Variants in CEP126 observed in about 807,000 individuals in gnomAD.
CEP126 encodes centrosomal protein of 126 kDa.
CEP126 carries 74 observed loss-of-function variants against 107.8 expected under a neutral mutation model. That is an observed-to-expected ratio of 0.69 (90% CI 0.57 to 0.83). The LOEUF is 0.83. Among genes scored for constraint, CEP126 ranks in the 40% least tolerant of loss-of-function variants. The probability of loss-of-function intolerance (pLI) is 0.00; values close to 1 mark genes in which losing one functional copy is unlikely to be tolerated. For missense variants in CEP126, 1,237 were observed against 1,281.9 expected (o/e 0.96, Z 0.53); for synonymous variants, 449 against 446.0 (o/e 1.01, Z -0.08).
rs1565356118 is a variant in CEP126, at chr11:101,948,026, T to C, written c.395-5T>C. 1.3e-6 allele frequency: 2 copies of C among 1,576,188 alleles called. No homozygotes were observed. The highest frequency in any genetic ancestry group is 4.5e-5 in the East Asian group (2 of 44,556). ...TGTACTGTTCGGTCTTTATTATCTC[T>C]TTAGTTTCCCGAAAACCAGTTCCTC... On this transcript the variant is annotated splice_polypyrimidine_tract_variant and splice_region_variant and intron_variant, in intron 3 of 10. Coordinates refer to ENST00000263468, the MANE Select transcript of CEP126 (RefSeq NM_020802.4).
chr11:101,940,165 A>C (rs986182802), intron 2 of CEP126, among the ~76,000 whole-genome samples: 1 of 152,234 alleles, frequency 6.6e-6, no homozygotes, highest in East Asian at 1.9e-4. Context: ...TACATGCTGC[A>C]CTATCAGCCA....
chr11:101,989,070 A>G (rs943409031), intron 9 of CEP126, among the ~76,000 whole-genome samples: 2 of 152,150 alleles, frequency 1.3e-5, no homozygotes, highest in African/African-American at 4.8e-5. Context: ...GTATAAGACC[A>G]TGAAACAAGC....
intron 9 of CEP126, among the ~76,000 whole-genome samples, chr11:101,988,562 A>C (rs1471011340): frequency 1.3e-5 from 2 of 152,170 alleles, no homozygotes; most frequent in African/African-American, 4.8e-5. Context: ...ATGACCACTA[A>C]GATACATCCA....
At chr11:101,950,895 G>T (rs1196883645) in intron 4 of CEP126, among the ~76,000 whole-genome samples, 1 of 152,140 alleles carries the variant, frequency 6.6e-6, no homozygotes, top group Non-Finnish European at 1.5e-5. Flanking sequence ...TTTTCAGCAG[G>T]GAGTGATAGC....
Position 101,958,361 on chromosome 11 carries a change from T to C in CEP126, c.700T>C (p.Leu234=). The C allele has an allele frequency of 6.2e-7, 1 of 1,612,532 alleles. No individual in the cohort carries two copies. Among genetic ancestry groups the C allele is most frequent in the South Asian group, 1.1e-5 (1 of 90,890 alleles). Residue 234 remains leucine, a synonymous_variant, in exon 5 of 11, where the codon TTG becomes CTG. Coordinates refer to ENST00000263468, the MANE Select transcript of CEP126 (RefSeq NM_020802.4). The stretch of plus-strand genomic sequence containing the variant: ...CCTCGAAGATCAACATCTAAGCAAT[T>C]TGCAAGTATGAAACTATAAAAATGT... ...KLLEDQHLSN[L]QKFCDEVNQI...
intron 7 of CEP126, among the ~76,000 whole-genome samples, chr11:101,980,943 G>A (rs149120382): frequency 5.6e-4 from 85 of 152,292 alleles, no homozygotes; most frequent in African/African-American, 2.0e-3. Context: ...GAAAAGTTAC[G>A]CATAGTTATA....
intron 6 of CEP126, among the ~76,000 whole-genome samples, chr11:101,967,896 C>T (rs17097348): frequency 0.049 from 7,433 of 152,188 alleles, 499 homozygotes; most frequent in Admixed American, 0.18. Flanking sequence ...GGGCTACATA[C>T]AGGGCTGCCA....
rs3043916 is a variant in CEP126 at position 101,987,967 on chromosome 11, T to TAAA, written c.3244+933_3244+935dup. Among the ~76,000 whole-genome samples the TAAA allele has an allele frequency of 2.5e-3, 358 of 145,820 alleles. 1 individual carries two copies. Among genetic ancestry groups the TAAA allele is most frequent in the East Asian group, 8.9e-3 (44 of 4,966 alleles). Reference sequence around the variant, plus strand: ...CCAAGGAAAATGAGCAGCCTACAATTAAAAAAAAAGTAAATAACTTAATCC... The same window carrying TAAA: ...CCAAGGAAAATGAGCAGCCTACAATTAAAAAAAAAAAAGTAAATAACTTAATCC... On this transcript the variant is annotated intron_variant, in intron 9 of 10. Transcript: ENST00000263468.
At position 101,998,831 on chromosome 11, in the gene CEP126, T is replaced by C. The variant is rs1941474373; in HGVS notation, c.*1188T>C. The C allele has an allele frequency of 6.6e-6, 1 of 152,080 alleles. No individual in the cohort carries two copies. Among genetic ancestry groups the C allele is most frequent in the African/African-American group, 2.4e-5 (1 of 41,396 alleles). The allele number at this position is 152,080 out of a possible 1,614,324, so 9.4% of individuals were successfully genotyped here. On this transcript the variant is annotated 3_prime_UTR_variant, in exon 11 of 11. Transcript: ENST00000263468. ...AAACCATGGGTATTTTTGTCTCCAC[T>C]TTAGAGATGAGAAACTGAGCCAAGG... is the stretch of plus-strand genomic sequence containing the variant.
intron 1 of CEP126, 112 bp from the exon 2 acceptor site, chr11:101,922,528 CA>C: frequency 2.4e-6 from 2 of 849,730 alleles, no homozygotes; most frequent in Non-Finnish European, 3.7e-6. Flanking sequence ...AATTATTCCA[CA>C]AAAACTATCA....
intron 6 of CEP126, among the ~76,000 whole-genome samples, chr11:101,977,368 C>T (rs1338923000): frequency 6.6e-6 from 1 of 151,970 alleles, no homozygotes; most frequent in Admixed American, 6.6e-5. Flanking sequence ...TGCAGTGGCT[C>T]ACACCTGTAA....
chr11:101,955,793 T>A, intron 4 of CEP126: 1 of 443,908 alleles, frequency 2.3e-6, no homozygotes. Context: ...CCTGTGCAGA[T>A]CCATTCCTGC....
chr11:101,929,974 C>CTTTTTTT (rs60650996), intron 2 of CEP126, among the ~76,000 whole-genome samples: 45 of 118,682 alleles, frequency 3.8e-4, no homozygotes, highest in African/African-American at 1.2e-3. Context: ...TTAGTTAGGA[C>CTTTTTTT]TTTTTTTTTT....
Position 101,915,157 on chromosome 11 carries a change from C to G in CEP126, c.-128C>G. On this transcript the variant is annotated 5_prime_UTR_variant, in exon 1 of 11. Transcript: ENST00000263468. The stretch of plus-strand genomic sequence containing the variant: ...GGAGCTAGGGCTGTCGAGGCCAACC[C>G]TTCCGCGCCCGTGACGCGGGGCCTG... The G allele has an allele frequency of 1.4e-6, 2 of 1,441,874 alleles. No individual in the cohort carries two copies. The highest frequency in any genetic ancestry group is 1.9e-6 in the Non-Finnish European group (2 of 1,066,064). The allele number at this position is 1,441,874 out of a possible 1,614,324, so 89.3% of individuals were successfully genotyped here.
chr11:101,966,806 G>A (rs1203900043), intron 6 of CEP126, among the ~76,000 whole-genome samples: 1 of 151,830 alleles, frequency 6.6e-6, no homozygotes, highest in Non-Finnish European at 1.5e-5. Context: ...GATATAGAGG[G>A]TACATGTGGA....
chr11:101,975,323 A>G (rs1239605566), intron 6 of CEP126, among the ~76,000 whole-genome samples: 1 of 152,244 alleles, frequency 6.6e-6, no homozygotes, highest in Non-Finnish European at 1.5e-5. Flanking sequence ...AAACTACCAG[A>G]CGGTATCATA....
chr11:101,929,412 A>G (rs1935113860), intron 2 of CEP126, among the ~76,000 whole-genome samples: 1 of 152,192 alleles, frequency 6.6e-6, no homozygotes, highest in South Asian at 2.1e-4. Flanking sequence ...CATTACAGAC[A>G]GTTGGAGGTA....
At chr11:101,929,717 A>G (rs1205249907) in intron 2 of CEP126, among the ~76,000 whole-genome samples, 1 of 152,206 alleles carries the variant, frequency 6.6e-6, no homozygotes, top group Non-Finnish European at 1.5e-5. Flanking sequence ...CTTTACCACC[A>G]GGTGGAGATG....
At chr11:101,987,967 TA>T (rs3043916) in intron 9 of CEP126, among the ~76,000 whole-genome samples, 59 of 145,720 alleles carry the variant, frequency 4.0e-4, no homozygotes, top group Non-Finnish European at 7.0e-4. Flanking sequence ...AGCCTACAAT[TA>T]AAAAAAAAGT....
Sources: allele counts gnomAD v4.1 joint callset (sites outside exome capture counted in the v4.1 genomes callset), GRCh38; gene constraint gnomAD v4.1.1; transcripts MANE v1.5; gene names NCBI Gene and HGNC (gene_info 2026-07-23, HGNC 2026-07-21).